The following FAM135B variants were observed in gnomAD, a reference collection of about 807,000 sequenced individuals.
The protein encoded by FAM135B is protein FAM135B.
Under a neutral mutation model 127.7 loss-of-function variants are expected in FAM135B, and 43 were observed. The observed-to-expected ratio is 0.34, with a 90% CI of 0.26 to 0.43. FAM135B has a LOEUF of 0.43. FAM135B is among the 20% of genes least tolerant of loss of function. FAM135B has a pLI of 1.00. For synonymous variants in FAM135B, 670 were observed against 665.1 expected, an observed-to-expected ratio of 1.01 and a Z score of -0.11; for missense variants, 1,558 against 1,725.6, an observed-to-expected ratio of 0.90 and a Z score of 1.72.
intron 7 of FAM135B, among the ~76,000 whole-genome samples, chr8:138,212,806 T>C (rs1452553163): frequency 2.0e-5 from 3 of 152,236 alleles, no homozygotes; most frequent in Non-Finnish European, 4.4e-5. Flanking sequence ...TTCTTAATAT[T>C]TAATCTAATT....
intron 5 of FAM135B, among the ~76,000 whole-genome samples, chr8:138,255,028 T>A (rs79983726): frequency 1.2e-5 from 1 of 80,234 alleles, no homozygotes; most frequent in African/African-American, 7.9e-5. Context: ...AATCTGAACT[T>A]TTTTTTTTTT....
At chr8:138,161,082 T>A (rs1173210296) in intron 12 of FAM135B, among the ~76,000 whole-genome samples, 1 of 152,120 alleles carries the variant, frequency 6.6e-6, no homozygotes, top group East Asian at 1.9e-4. Flanking sequence ...TGCTCTACAG[T>A]CATAAATCAA....
intron 12 of FAM135B, among the ~76,000 whole-genome samples, chr8:138,166,616 C>T (rs1480465497): frequency 1.3e-5 from 2 of 152,140 alleles, no homozygotes; most frequent in Non-Finnish European, 2.9e-5. Context: ...AGCTAAGTTC[C>T]TATGGCATAT....
At chr8:138,199,817 C>G (rs1262583722) in intron 7 of FAM135B, among the ~76,000 whole-genome samples, 2 of 152,134 alleles carry the variant, frequency 1.3e-5, no homozygotes, top group Non-Finnish European at 2.9e-5. Context: ...ATGAGAACAG[C>G]AGAGGGGGAA....
At chr8:138,366,271 C>T (rs1404900329) in intron 2 of FAM135B, among the ~76,000 whole-genome samples, 1 of 152,130 alleles carries the variant, frequency 6.6e-6, no homozygotes, top group East Asian at 1.9e-4. Context: ...ATGTCTAATA[C>T]CATGATGGAA....
Position 138,197,631 on chromosome 8 carries a change from G to A in FAM135B, c.708C>T (p.His236=), listed in dbSNP as rs192537076. ...FYITSENCMQ[H]AHKWHRDLCL... ...ACAGGTCTCGGTGCCACTTGTGTGCGTGCTGCATGCAGTTCTCAGAGGTGA... is the reference window on the plus strand; with the variant it reads ...ACAGGTCTCGGTGCCACTTGTGTGCATGCTGCATGCAGTTCTCAGAGGTGA... The change falls in exon 8 of 20, where the codon CAC becomes CAT. Residue 236 remains histidine (H), a synonymous_variant. Transcript: ENST00000395297. 2.3e-5 allele frequency: 37 copies of A among 1,614,214 alleles called. No homozygotes were observed. Among genetic ancestry groups the A allele is most frequent in the Admixed American group, 5.0e-5 (3 of 60,034 alleles).
chr8:138,308,789 A>T (rs1201443464), intron 3 of FAM135B, among the ~76,000 whole-genome samples: 2 of 152,052 alleles, frequency 1.3e-5, no homozygotes, highest in Non-Finnish European at 2.9e-5. Flanking sequence ...CGGTGACAGG[A>T]CCCAAGCTCC....
At chr8:138,383,950 A>T (rs1217136106) in intron 1 of FAM135B, among the ~76,000 whole-genome samples, 2 of 152,094 alleles carry the variant, frequency 1.3e-5, no homozygotes, top group East Asian at 3.9e-4. Flanking sequence ...AGCCGCCCAG[A>T]GGTGCCCCTC....
intron 1 of FAM135B, among the ~76,000 whole-genome samples, chr8:138,398,310 G>T (rs1318538322): frequency 6.6e-6 from 1 of 152,212 alleles, no homozygotes; most frequent in Non-Finnish European, 1.5e-5. Context: ...GCAGTGACTG[G>T]ATTTTCAAGG....
chr8:138,335,222 T>A (rs1828481337), intron 2 of FAM135B, among the ~76,000 whole-genome samples: 1 of 152,116 alleles, frequency 6.6e-6, no homozygotes, highest in South Asian at 2.1e-4. Flanking sequence ...CCCATGCCCA[T>A]CGGAGAACTC....
At chr8:138,248,958 G>T (rs1019741991) in intron 6 of FAM135B, among the ~76,000 whole-genome samples, 7 of 152,130 alleles carry the variant, frequency 4.6e-5, no homozygotes, top group Admixed American at 2.6e-4. Flanking sequence ...AAGTGGTAGG[G>T]CTAGATGATA....
chr8:138,342,102 A>G (rs139142136), intron 2 of FAM135B, among the ~76,000 whole-genome samples: 86 of 152,308 alleles, frequency 5.6e-4, no homozygotes, highest in African/African-American at 2.0e-3. Context: ...AGATCTCCAC[A>G]TCTCTTCACC....
intron 3 of FAM135B, among the ~76,000 whole-genome samples, chr8:138,302,078 G>A (rs560054886): frequency 1.3e-5 from 2 of 152,040 alleles, no homozygotes; most frequent in South Asian, 2.1e-4. Flanking sequence ...TCCTCATGTC[G>A]GACTCCCTTT....
chr8:138,197,706 T>C (rs2131142189), intron 7 of FAM135B, 37 bp from the exon 8 acceptor site: 8 of 1,605,352 alleles, frequency 5.0e-6, no homozygotes, highest in Middle Eastern at 1.7e-4. Context: ...TGAGGAATAT[T>C]GCACCTGGCC....
At chr8:138,300,660 G>A (rs995514486) in intron 3 of FAM135B, among the ~76,000 whole-genome samples, 7 of 151,486 alleles carry the variant, frequency 4.6e-5, no homozygotes, top group Admixed American at 6.6e-5. Flanking sequence ...AGAATTCCAA[G>A]GTTCTAGGAG....
At chr8:138,201,257 T>G (rs1817095994) in intron 7 of FAM135B, among the ~76,000 whole-genome samples, 1 of 152,210 alleles carries the variant, frequency 6.6e-6, no homozygotes, top group Non-Finnish European at 1.5e-5. Context: ...CAGGACACAT[T>G]AAAGGTAGCA....
At position 138,273,681 on chromosome 8, in the gene FAM135B, C is replaced by T. The variant is rs1189077607; in HGVS notation, c.158-7839G>A. Among the ~76,000 whole-genome samples, 11 of 152,056 alleles carry T rather than the reference C, an allele frequency of 7.2e-5. No homozygotes were observed. The East Asian group carries it at 7.7e-4, about 11-fold the overall frequency. The stretch of plus-strand genomic sequence containing the variant: ...ACAGGCAAAAATGACAACAACAATC[C>T]GACTACACTGGGGAGCCAGATGATG... On this transcript the variant is annotated intron_variant, in intron 3 of 19. Coordinates refer to ENST00000395297, the MANE Select transcript of FAM135B (RefSeq NM_015912.4).
intron 2 of FAM135B, among the ~76,000 whole-genome samples, chr8:138,338,519 T>C (rs957154947): frequency 3.3e-5 from 5 of 151,774 alleles, no homozygotes; most frequent in Non-Finnish European, 4.4e-5. Flanking sequence ...ATGCTCATCA[T>C]CACTGGCCAT....
chr8:138,284,687 C>A (rs916643275), intron 3 of FAM135B, among the ~76,000 whole-genome samples: 19 of 151,870 alleles, frequency 1.3e-4, no homozygotes, highest in African/African-American at 4.4e-4. Flanking sequence ...CTTCAACTCG[C>A]CCCTCACCTC....
Sources: gnomAD v4.1 joint callset for allele counts (sites outside exome capture counted in the v4.1 genomes callset) on GRCh38, gnomAD v4.1.1 for gene constraint, MANE v1.5 for transcripts, NCBI Gene and HGNC (gene_info 2026-07-23, HGNC 2026-07-21) for gene names.